HMCN2: variants seen among roughly 807,000 people sequenced by gnomAD.
HMCN2 encodes the protein hemicentin 2, also known as hemicentin-2.
A neutral mutation model predicts 377.5 loss-of-function variants in HMCN2; 325 were observed. The ratio of observed to expected loss-of-function variants is 0.86; its 90% CI spans 0.79 to 0.94. The LOEUF (loss-of-function observed/expected upper bound fraction) is 0.94, where lower values mean the gene tolerates loss of function less well. Among genes scored for constraint, HMCN2 ranks in the 40% least tolerant of loss-of-function variants. The pLI is 0.00. For missense variants in HMCN2, 4,543 were observed against 4,725.3 expected, an observed-to-expected ratio of 0.96 and a Z score of 1.13; for synonymous variants, 2,007 against 2,046.8, an observed-to-expected ratio of 0.98 and a Z score of 0.53.
At chr9:130,384,197 A>C (rs894863092) in intron 57 of HMCN2, among the ~76,000 whole-genome samples, 176 bp from the exon 58 acceptor site, 8 of 152,154 alleles carry the variant, frequency 5.3e-5, no homozygotes, top group Non-Finnish European at 1.2e-4. Context: ...CTGATCCCCT[A>C]CCCAGTGTCC....
intron 3 of HMCN2, among the ~76,000 whole-genome samples, 195 bp from the exon 4 acceptor site, chr9:130,285,993 G>A (rs1292996991): frequency 6.6e-6 from 1 of 152,154 alleles, no homozygotes; most frequent in Non-Finnish European, 1.5e-5. Context: ...CATTTGTCCT[G>A]CATCAGCTCC....
intron 23 of HMCN2, among the ~76,000 whole-genome samples, chr9:130,339,511 A>C (rs1225281358): frequency 2.0e-5 from 3 of 152,198 alleles, no homozygotes; most frequent in Non-Finnish European, 4.4e-5. Flanking sequence ...TGTAATAAGC[A>C]GGGCCTCAAC....
In HMCN2 at chr9:130,424,884, G is replaced by C; in HGVS notation, c.13490G>C (p.Arg4497Pro). The C allele has an allele frequency of 6.8e-7, 1 of 1,460,444 alleles. No homozygotes were observed. The highest frequency in any genetic ancestry group is 1.4e-5 in the South Asian group (1 of 69,752). The allele number at this position is 1,460,444 out of a possible 1,614,324, so 90.5% of individuals were successfully genotyped here. A position where few individuals can be genotyped will look rare whatever the true frequency, so the allele number is the denominator to read the frequency against. ...CACTCTCTGACTGGGGGCAGGTTCCGGCAGGAGTCACACGTGGAGTTTGCT... is the reference window on the plus strand; with the variant it reads ...CACTCTCTGACTGGGGGCAGGTTCCCGCAGGAGTCACACGTGGAGTTTGCT... ...NGHSLTGGRF[R>P]QESHVEFATG... Residue 4497 changes from arginine (R) to proline (P), a missense_variant, in exon 88 of 98, where the codon CGG (arginine) becomes CCG (proline). Physicochemically the swap from Arg to Pro is moderately radical, Grantham distance 103 (BLOSUM62 -2). Around this residue, in one of 5 missense-constraint regions of HMCN2, gnomAD observed 1,155 missense variants for 1,157.7 expected, o/e 1.00. Coordinates refer to ENST00000683500, the MANE Select transcript of HMCN2 (RefSeq NM_001291815.2).
rs1479823869 is a variant in HMCN2 at position 130,308,906 on chromosome 9, C to T, written c.2201-1006C>T. ...CCTAGAGATGTCAAATTCATAGAGACGAAAAGATGGAGTGGTGTTCGCCAG... is the reference window on the plus strand; with the variant it reads ...CCTAGAGATGTCAAATTCATAGAGATGAAAAGATGGAGTGGTGTTCGCCAG... On this transcript the variant is annotated intron_variant, in intron 14 of 97. Transcript: ENST00000683500. The surrounding 1 kb of genome is among the most constrained non-coding windows in gnomAD (Gnocchi z 4.1). 2.6e-5 allele frequency among the ~76,000 whole-genome samples: 4 copies of T among 152,122 alleles called. No individual in the cohort carries two copies. The highest frequency in any genetic ancestry group is 6.5e-5 in the Admixed American group (1 of 15,272).
At chr9:130,385,433 G>T (rs751724225) in intron 59 of HMCN2, 127 bp from the exon 60 acceptor site, 4 of 508,804 alleles carry the variant, frequency 7.9e-6, no homozygotes, top group Non-Finnish European at 1.3e-5. Context: ...CCCTGGGTCT[G>T]CGCCAGCCCC....
At chr9:130,334,066 G>A (rs1298879441) in intron 22 of HMCN2, among the ~76,000 whole-genome samples, 1 of 152,238 alleles carries the variant, frequency 6.6e-6, no homozygotes, top group African/African-American at 2.4e-5. Flanking sequence ...CTTCCTGGAG[G>A]AGGTGATGTC....
At chr9:130,375,409 C>G (rs1040368560) in intron 49 of HMCN2, among the ~76,000 whole-genome samples, 154 bp from the exon 50 acceptor site, 8 of 152,162 alleles carry the variant, frequency 5.3e-5, no homozygotes, top group African/African-American at 1.9e-4. Context: ...CCTGGCCACC[C>G]CGGGCATGGG....
At chr9:130,420,667 T>C (rs1843956256) in intron 86 of HMCN2, among the ~76,000 whole-genome samples, 1 of 152,108 alleles carries the variant, frequency 6.6e-6, no homozygotes, top group Non-Finnish European at 1.5e-5. Flanking sequence ...TTCTGTGGCT[T>C]GTCGAAACAT....
intron 85 of HMCN2, among the ~76,000 whole-genome samples, chr9:130,417,202 C>A (rs1313400717): frequency 6.6e-6 from 1 of 152,034 alleles, no homozygotes; most frequent in Non-Finnish European, 1.5e-5. Context: ...CATGAACCAC[C>A]ATACCCAGCT....
intron 93 of HMCN2, 46 bp from the exon 94 acceptor site, chr9:130,429,511 C>T: frequency 6.5e-7 from 1 of 1,548,350 alleles, no homozygotes; most frequent in Non-Finnish European, 8.7e-7. Context: ...GGGGGAGGGG[C>T]CCTGGGCTAG....
chr9:130,356,309 G>A (rs1840024113), intron 34 of HMCN2, 52 bp downstream of exon 34: 1 of 1,254,870 alleles, frequency 8.0e-7, no homozygotes, highest in Non-Finnish European at 1.0e-6. Context: ...GATGCCAGGG[G>A]TGGGTGGAGC....
intron 77 of HMCN2, 81 bp downstream of exon 77, chr9:130,401,028 G>A (rs527593283): frequency 2.8e-5 from 32 of 1,161,318 alleles, no homozygotes; most frequent in Middle Eastern, 2.4e-4. Context: ...GTCACATGGC[G>A]GAATAGGATG....
At chr9:130,285,341 C>A (rs1554927310) in intron 3 of HMCN2, 25 bp downstream of exon 3, 3 of 469,970 alleles carry the variant, frequency 6.4e-6, no homozygotes, top group African/African-American at 6.0e-5. Context: ...TGTGGGGGCC[C>A]AAAGTGGGGT....
At chr9:130,366,216 G>A (rs1287366532) in intron 43 of HMCN2, among the ~76,000 whole-genome samples, 1 of 152,200 alleles carries the variant, frequency 6.6e-6, no homozygotes, top group East Asian at 1.9e-4. Flanking sequence ...GCCAGTAAGA[G>A]CTGGATTGAA....
chr9:130,269,466 G>C (rs545745877), intron 1 of HMCN2, among the ~76,000 whole-genome samples: 9 of 147,682 alleles, frequency 6.1e-5, no homozygotes, highest in Admixed American at 2.0e-4. Flanking sequence ...ACACCGAGTG[G>C]GGGGACGACT....
chr9:130,363,879 AAGAAGGAAGGAAGGAGAGAGGGAG>A (rs1840533755), intron 40 of HMCN2, among the ~76,000 whole-genome samples: 1 of 147,174 alleles, frequency 6.8e-6, no homozygotes. Flanking sequence ...GAAGGAAGGA[AAGAAGGAAGGAAGGAGAGAGGGAG>A]AGAGAAAGAA....
intron 15 of HMCN2, among the ~76,000 whole-genome samples, chr9:130,314,655 G>C (rs1161902498): frequency 2.0e-5 from 3 of 152,166 alleles, no homozygotes; most frequent in Non-Finnish European, 4.4e-5. Flanking sequence ...TCCATCCTGA[G>C]ACTCCTCCCT....
At chr9:130,278,803 G>A (rs1307039443) in intron 1 of HMCN2, among the ~76,000 whole-genome samples, 2 of 150,184 alleles carry the variant, frequency 1.3e-5, no homozygotes, top group East Asian at 4.0e-4. Flanking sequence ...CTGGTCTTGA[G>A]CTCCCAACCT....
chr9:130,433,752 A>G lies in HMCN2; in HGVS notation c.*59A>G. The G allele has an allele frequency of 7.6e-7, 1 of 1,310,944 alleles. No homozygotes were observed. The highest frequency in any genetic ancestry group is 1.0e-6 in the Non-Finnish European group (1 of 997,732). 81.2% of individuals were successfully genotyped at this position (1,310,944 alleles called of 1,614,324 possible). ...ACCCCCGAGGAAGGGGTCGAGGAGA[A>G]GCTTGGTCCACGCCACCTGCTGTGG... On this transcript the variant is annotated 3_prime_UTR_variant, in exon 98 of 98. Transcript: ENST00000683500.
Sources: gnomAD v4.1 joint callset for allele counts (sites outside exome capture counted in the v4.1 genomes callset) on GRCh38, gnomAD v4.1.1 for gene constraint, gnomAD v4.1.1 regional missense constraint, Gnocchi (gnomAD v3.1) non-coding constraint, MANE v1.5 for transcripts, NCBI Gene and HGNC (gene_info 2026-07-23, HGNC 2026-07-21) for gene names.